Variants in TNR observed in about 807,000 individuals in gnomAD.
The protein encoded by TNR is tenascin R, also known as tenascin-R.
Under a neutral mutation model 150.4 loss-of-function variants are expected in TNR, and 45 were observed. The observed-to-expected ratio is 0.30, with a 90% CI of 0.24 to 0.38. TNR has a LOEUF of 0.38. Ranked by LOEUF, TNR falls within the 10% of genes least tolerant of loss-of-function variation. The pLI, the probability that TNR is intolerant of heterozygous loss-of-function variation, is 1.00. For missense variants in TNR, 1,544 were observed against 1,759.1 expected (o/e 0.88, Z 2.19); for synonymous variants, 687 against 678.4 (o/e 1.01, Z -0.20).
intron 1 of TNR, among the ~76,000 whole-genome samples, chr1:175,580,151 C>T (rs181918125): frequency 2.0e-4 from 31 of 152,278 alleles, no homozygotes; most frequent in Non-Finnish European, 3.7e-4. Flanking sequence ...GACAGCTTGA[C>T]GCTCTCACAT....
At chr1:175,402,914 G>T (rs1653781619) in intron 4 of TNR, among the ~76,000 whole-genome samples, 1 of 152,168 alleles carries the variant, frequency 6.6e-6, no homozygotes, top group South Asian at 2.1e-4. Context: ...CCAGCTCTCA[G>T]CCTGAACTTG....
At chr1:175,618,721 C>T (rs1001376589) in intron 1 of TNR, among the ~76,000 whole-genome samples, 3 of 152,138 alleles carry the variant, frequency 2.0e-5, no homozygotes, top group African/African-American at 7.2e-5. Context: ...CCTGAATACG[C>T]CAGCTTTATA....
At chr1:175,379,482 G>T in intron 9 of TNR, 70 bp downstream of exon 9, 2 of 1,434,406 alleles carry the variant, frequency 1.4e-6, no homozygotes, top group Non-Finnish European at 1.9e-6. Context: ...AAGATGTGTA[G>T]GTTGGGGAGA....
At chr1:175,619,331 A>G (rs967240083) in intron 1 of TNR, among the ~76,000 whole-genome samples, 5 of 152,196 alleles carry the variant, frequency 3.3e-5, no homozygotes, top group African/African-American at 4.8e-5. Flanking sequence ...CTTGCAACAC[A>G]TAAAACTTCG....
At chr1:175,399,316 G>A (rs992901081) in intron 4 of TNR, among the ~76,000 whole-genome samples, 8 of 152,182 alleles carry the variant, frequency 5.3e-5, no homozygotes, top group East Asian at 1.9e-4. Context: ...ACAAATCAGC[G>A]TATTCCTTTT....
At chr1:175,422,743 C>T (rs1191453097) in intron 2 of TNR, among the ~76,000 whole-genome samples, 1 of 152,230 alleles carries the variant, frequency 6.6e-6, no homozygotes. Context: ...AGACCATCCA[C>T]ACTCCCCAAT....
chr1:175,738,702 A>G (rs557546307), intron 1 of TNR, among the ~76,000 whole-genome samples: 1 of 152,326 alleles, frequency 6.6e-6, no homozygotes, highest in African/African-American at 2.4e-5. Context: ...GCCAATTGGC[A>G]TATTATCAGC....
At chr1:175,350,538 T>C (rs1302035088) in intron 18 of TNR, among the ~76,000 whole-genome samples, 1 of 152,178 alleles carries the variant, frequency 6.6e-6, no homozygotes, top group Non-Finnish European at 1.5e-5. Context: ...TGTATCCATA[T>C]TTTTTCTCTT....
At chr1:175,638,151 A>T (rs1328199165) in intron 1 of TNR, among the ~76,000 whole-genome samples, 1 of 152,208 alleles carries the variant, frequency 6.6e-6, no homozygotes, top group African/African-American at 2.4e-5. Flanking sequence ...CTAATACCTG[A>T]TGCTGATATG....
rs76901501 is a variant in TNR at position 175,579,610 on chromosome 1, A to G, written c.-164-51241T>C. Among the ~76,000 whole-genome samples the G allele has an allele frequency of 9.9e-3, 1,497 of 151,312 alleles. 12 individuals are homozygous for G. The highest frequency in any genetic ancestry group is 0.027 in the Middle Eastern group (8 of 294). Reference sequence around the variant, plus strand: ...GGGATGGTCAAGGTCAGGAATTTGGATGTTATCTAGTATCAGTTATAACCC... The same window carrying G: ...GGGATGGTCAAGGTCAGGAATTTGGGTGTTATCTAGTATCAGTTATAACCC... On this transcript the variant is annotated intron_variant, in intron 1 of 22. Transcript: ENST00000367674.
At chr1:175,654,324 T>C (rs982541302) in intron 1 of TNR, among the ~76,000 whole-genome samples, 2 of 152,198 alleles carry the variant, frequency 1.3e-5, no homozygotes, top group Non-Finnish European at 2.9e-5. Context: ...AAGTAGTACT[T>C]GTCATAGATA....
chr1:175,386,007 C>A, intron 8 of TNR, 25 bp downstream of exon 8: 1 of 1,537,018 alleles, frequency 6.5e-7, no homozygotes, highest in Middle Eastern at 1.8e-4. Context: ...CCTCCTTGTG[C>A]GTCTCTCCCC....
intron 13 of TNR, 140 bp from the exon 14 acceptor site, chr1:175,362,949 T>A (rs549463228): frequency 3.8e-6 from 4 of 1,062,930 alleles, no homozygotes; most frequent in Non-Finnish European, 5.5e-6. Flanking sequence ...GTTCATGGGC[T>A]GGGAATGTTG....
chr1:175,483,277 C>G (rs951366663), intron 2 of TNR, among the ~76,000 whole-genome samples: 1 of 152,158 alleles, frequency 6.6e-6, no homozygotes, highest in African/African-American at 2.4e-5. Flanking sequence ...GATGCCTGAC[C>G]TGCCTGGGCT....
chr1:175,648,832 C>T (rs534004144), intron 1 of TNR, among the ~76,000 whole-genome samples: 39 of 152,334 alleles, frequency 2.6e-4, no homozygotes, highest in African/African-American at 9.4e-4. Flanking sequence ...TACCCAGATG[C>T]TTAGCCTAAA....
intron 1 of TNR, among the ~76,000 whole-genome samples, chr1:175,697,101 G>A (rs1184149444): frequency 1.3e-4 from 19 of 151,366 alleles, no homozygotes; most frequent in South Asian, 2.1e-4. Context: ...GGCAGTTTGC[G>A]TGTATATGTA....
intron 1 of TNR, among the ~76,000 whole-genome samples, chr1:175,739,418 A>G (rs1026801916): frequency 6.6e-6 from 1 of 152,174 alleles, no homozygotes; most frequent in African/African-American, 2.4e-5. Flanking sequence ...GACAGAGTAG[A>G]AGAGAATTGG....
chr1:175,343,959 G>T (rs915033824), intron 18 of TNR, among the ~76,000 whole-genome samples: 4 of 152,028 alleles, frequency 2.6e-5, no homozygotes, highest in African/African-American at 9.7e-5. Flanking sequence ...ACAACGAATT[G>T]GACAAAATGC....
intron 2 of TNR, among the ~76,000 whole-genome samples, chr1:175,523,197 G>T (rs536385548): frequency 1.3e-5 from 2 of 152,330 alleles, no homozygotes; most frequent in African/African-American, 4.8e-5. Context: ...TCTGTCACTT[G>T]TGTGTATTAG....
Sources: allele counts gnomAD v4.1 joint callset (sites outside exome capture counted in the v4.1 genomes callset), GRCh38; gene constraint gnomAD v4.1.1; transcripts MANE v1.5; gene names NCBI Gene and HGNC (gene_info 2026-07-23, HGNC 2026-07-21).